ROBO2: variants seen among roughly 807,000 people sequenced by gnomAD.
The protein encoded by ROBO2 is roundabout homolog 2.
ROBO2 carries 53 observed loss-of-function variants against 160.8 expected under a neutral mutation model. The observed-to-expected ratio is 0.33, with a 90% CI of 0.26 to 0.41. ROBO2 has a LOEUF of 0.41. Among genes scored for constraint, ROBO2 ranks in the 10% least tolerant of loss-of-function variants. The pLI, the probability that ROBO2 is intolerant of heterozygous loss-of-function variation, is 1.00. For missense variants in ROBO2, 1,577 were observed against 1,722.4 expected, an observed-to-expected ratio of 0.92 and a Z score of 1.49; for synonymous variants, 664 against 611.7, an observed-to-expected ratio of 1.09 and a Z score of -1.26.
At chr3:76,971,966 A>T (rs2149285536) in intron 2 of ROBO2, among the ~76,000 whole-genome samples, 2 of 152,300 alleles carry the variant, frequency 1.3e-5, no homozygotes, top group African/African-American at 4.8e-5. Flanking sequence ...TCCTTACCAA[A>T]TTTTATTTTG....
chr3:76,436,159 A>AACACACACACATACACACACACACAC (rs1553752321), intron 2 of ROBO2, among the ~76,000 whole-genome samples: 3 of 140,522 alleles, frequency 2.1e-5, no homozygotes, highest in African/African-American at 8.0e-5. Flanking sequence ...TTAAAAGGAA[A>AACACACACACATACACACACACACAC]ACACACACAC....
intron 23 of ROBO2, chr3:77,632,678 A>G (rs1559769299): frequency 2.6e-6 from 4 of 1,520,770 alleles, no homozygotes; most frequent in Non-Finnish European, 2.6e-6. Context: ...CCAAGTCAAC[A>G]CTCTTTGCAT....
At position 77,220,301 on chromosome 3, in the gene ROBO2, C is replaced by T. The variant is rs189197523; in HGVS notation, c.388+121961C>T. Among the ~76,000 whole-genome samples, 4 of 152,152 alleles carry T rather than the reference C, an allele frequency of 2.6e-5. No homozygotes were observed. The East Asian group carries it at 7.7e-4, about 29-fold the overall frequency. ...CTGAGATTACAGGCATGAGCCACTG[C>T]GCCTGGCCGAGAAAACATACTATAG... On this transcript the variant is annotated intron_variant, in intron 2 of 25. Coordinates refer to ENST00000461745, the Ensembl canonical transcript of ROBO2.
At chr3:77,137,187 T>G (rs2076347022) in intron 2 of ROBO2, among the ~76,000 whole-genome samples, 1 of 152,208 alleles carries the variant, frequency 6.6e-6, no homozygotes, top group African/African-American at 2.4e-5. Flanking sequence ...TGTTACTTCT[T>G]AGCTTTTCTC....
intron 2 of ROBO2, among the ~76,000 whole-genome samples, chr3:77,239,536 C>T (rs2088639924): frequency 6.6e-6 from 1 of 152,192 alleles, no homozygotes; most frequent in African/African-American, 2.4e-5. Flanking sequence ...CTGGCTCAGG[C>T]AGCCTACTTT....
At chr3:77,442,914 A>G (rs760071614) in intron 2 of ROBO2, among the ~76,000 whole-genome samples, 11 of 152,230 alleles carry the variant, frequency 7.2e-5, no homozygotes, top group Non-Finnish European at 1.3e-4. Flanking sequence ...GTGCTCAGAA[A>G]GAGTGGACTC....
chr3:77,155,988 TCA>T (rs1357409947), intron 2 of ROBO2, among the ~76,000 whole-genome samples: 1 of 152,010 alleles, frequency 6.6e-6, no homozygotes, highest in Non-Finnish European at 1.5e-5. Context: ...TCATCTGTGG[TCA>T]TTGCTTTTAT....
chr3:76,726,554 G>A (rs976880144), intron 2 of ROBO2, among the ~76,000 whole-genome samples: 1 of 151,670 alleles, frequency 6.6e-6, no homozygotes, highest in African/African-American at 2.4e-5. Flanking sequence ...TTTTCATGTC[G>A]AGTGAGTCCT....
At chr3:76,546,730 A>G (rs1367659524) in intron 2 of ROBO2, among the ~76,000 whole-genome samples, 1 of 151,928 alleles carries the variant, frequency 6.6e-6, no homozygotes, top group Non-Finnish European at 1.5e-5. Flanking sequence ...CATGACCACT[A>G]TCTTCAGTGT....
chr3:76,430,872 CT>C (rs1243192896), intron 2 of ROBO2, among the ~76,000 whole-genome samples: 1 of 151,840 alleles, frequency 6.6e-6, no homozygotes, highest in Non-Finnish European at 1.5e-5. Context: ...GTCTTAAAGG[CT>C]TATACATATT....
intron 2 of ROBO2, among the ~76,000 whole-genome samples, chr3:77,119,587 A>C (rs978404834): frequency 6.6e-6 from 1 of 152,236 alleles, no homozygotes; most frequent in Non-Finnish European, 1.5e-5. Context: ...CACGGAAGTA[A>C]AATCTCCAGA....
chr3:76,690,042 C>G (rs963766420), intron 2 of ROBO2, among the ~76,000 whole-genome samples: 2 of 152,066 alleles, frequency 1.3e-5, no homozygotes, highest in African/African-American at 4.8e-5. Flanking sequence ...TGCATGGCAC[C>G]TACATTTACC....
chr3:77,379,950 G>A (rs1006323301), intron 2 of ROBO2, among the ~76,000 whole-genome samples: 7 of 152,080 alleles, frequency 4.6e-5, no homozygotes, highest in African/African-American at 1.7e-4. Flanking sequence ...ACTGCATACA[G>A]GCGGAGCATC....
At chr3:76,408,210 C>T (rs917240917) in intron 2 of ROBO2, among the ~76,000 whole-genome samples, 1 of 152,064 alleles carries the variant, frequency 6.6e-6, no homozygotes, top group Non-Finnish European at 1.5e-5. Flanking sequence ...ACATTGATGC[C>T]AATCTCCCTT....
intron 2 of ROBO2, among the ~76,000 whole-genome samples, chr3:76,286,108 T>C (rs1708492254): frequency 1.3e-5 from 2 of 152,178 alleles, no homozygotes; most frequent in Admixed American, 6.6e-5. Context: ...ATACTTATTA[T>C]GTAAAAAGAT....
At chr3:76,783,545 G>C (rs1388186840) in intron 2 of ROBO2, among the ~76,000 whole-genome samples, 1 of 143,854 alleles carries the variant, frequency 7.0e-6, no homozygotes, top group African/African-American at 2.5e-5. Flanking sequence ...CTTTCAATAT[G>C]TCATCCAACA....
chr3:76,119,132 A>C (rs926951932), intron 2 of ROBO2, among the ~76,000 whole-genome samples: 1 of 152,184 alleles, frequency 6.6e-6, no homozygotes, highest in Non-Finnish European at 1.5e-5. Context: ...AGCTGTGTTA[A>C]ATTGCTTATG....
chr3:77,558,873 G>A (rs775780044), intron 9 of ROBO2, among the ~76,000 whole-genome samples: 7 of 152,110 alleles, frequency 4.6e-5, no homozygotes, highest in Non-Finnish European at 8.8e-5. Context: ...CACAGTTTCT[G>A]TGAGTTAGGA....
chr3:76,610,810 C>T (rs185428129), intron 2 of ROBO2, among the ~76,000 whole-genome samples: 2 of 150,358 alleles, frequency 1.3e-5, no homozygotes, highest in Admixed American at 6.6e-5. Context: ...CCTTCTCCTG[C>T]GGTCCAGCGA....
Sources: allele counts gnomAD v4.1 joint callset (sites outside exome capture counted in the v4.1 genomes callset), GRCh38; gene constraint gnomAD v4.1.1; transcripts MANE v1.5; gene names NCBI Gene and HGNC (gene_info 2026-07-23, HGNC 2026-07-21).